STXBP5: variants seen among roughly 807,000 people sequenced by gnomAD.
The protein encoded by STXBP5 is syntaxin-binding protein 5.
STXBP5 carries 50 observed loss-of-function variants against 152.4 expected under a neutral mutation model. That is an observed-to-expected ratio of 0.33 (90% CI 0.26 to 0.42). STXBP5 has a LOEUF of 0.42. Among genes scored for constraint, STXBP5 ranks in the 10% least tolerant of loss-of-function variants. The pLI is 1.00. For missense variants in STXBP5, 1,167 were observed against 1,388.6 expected (o/e 0.84, Z 2.54); for synonymous variants, 492 against 494.7 (o/e 0.99, Z 0.07).
At chr6:147,252,619 T>C (rs1257504352) in intron 4 of STXBP5, among the ~76,000 whole-genome samples, 1 of 152,094 alleles carries the variant, frequency 6.6e-6, no homozygotes, top group African/African-American at 2.4e-5. Context: ...CTAAAAGTGA[T>C]GGGGAGAATG....
intron 22 of STXBP5, among the ~76,000 whole-genome samples, chr6:147,353,579 C>T (rs908478207): frequency 1.1e-4 from 17 of 151,974 alleles, no homozygotes; most frequent in African/African-American, 1.4e-4. Context: ...TCAAGCAAAC[C>T]GCAAGAATAT....
At chr6:147,314,401 T>A in intron 13 of STXBP5, 70 bp downstream of exon 13, 1 of 1,442,588 alleles carries the variant, frequency 6.9e-7, no homozygotes, top group Non-Finnish European at 9.8e-7. Flanking sequence ...ACTACATGAA[T>A]GTTAACTTAC....
intron 6 of STXBP5, among the ~76,000 whole-genome samples, chr6:147,263,850 A>T (rs1373154075): frequency 1.3e-5 from 2 of 151,938 alleles, no homozygotes; most frequent in Non-Finnish European, 2.9e-5. Context: ...TTAGTACTTT[A>T]GTTATGAAAT....
At chr6:147,234,430 G>A (rs949156957) in intron 2 of STXBP5, among the ~76,000 whole-genome samples, 26 of 151,722 alleles carry the variant, frequency 1.7e-4, no homozygotes, top group Non-Finnish European at 5.9e-5. Flanking sequence ...TGTAGACTCT[G>A]GAGCCAGAAA....
intron 2 of STXBP5, among the ~76,000 whole-genome samples, chr6:147,231,312 ATCT>A (rs1391422554): frequency 2.6e-5 from 4 of 151,770 alleles, no homozygotes; most frequent in African/African-American, 9.7e-5. Flanking sequence ...TGTCACATAC[ATCT>A]TCTCTTCATA....
rs773455653 is a variant in STXBP5 at position 147,311,509 on chromosome 6, T to C, written c.1127T>C (p.Ile376Thr). ...CTTCTAGAAAAGGATTTAGTACTTA[T>C]AGACCTTGCACAAAATGGGTAAGAA... Reference protein sequence around the residue: ...VVLLEKDLVLIDLAQNGYPIF... With the variant: ...VVLLEKDLVLTDLAQNGYPIF... Residue 376 changes from isoleucine to threonine, a missense_variant, in exon 11 of 28, where the codon ATA (isoleucine) becomes ACA (threonine). By Grantham distance (89) the Ile-to-Thr change is moderately conservative. Transcript: ENST00000321680. The C allele has an allele frequency of 3.4e-5, 55 of 1,611,442 alleles. No individual in the cohort carries two copies. The highest frequency in any genetic ancestry group is 4.2e-5 in the Non-Finnish European group (49 of 1,178,890).
intron 18 of STXBP5, chr6:147,328,826 T>C (rs1783408553): frequency 2.2e-6 from 1 of 463,434 alleles, no homozygotes; most frequent in East Asian, 7.0e-5. Flanking sequence ...TGTAAAATCA[T>C]TGGGAGTTTT....
chr6:147,319,774 A>G (rs1008080129), intron 16 of STXBP5, among the ~76,000 whole-genome samples: 3 of 149,224 alleles, frequency 2.0e-5, no homozygotes, highest in East Asian at 2.0e-4. Flanking sequence ...GTAATTGCTT[A>G]CTAGAATCTA....
chr6:147,243,427 CTGTT>C (rs1778648471), intron 4 of STXBP5, among the ~76,000 whole-genome samples: 1 of 152,028 alleles, frequency 6.6e-6, no homozygotes, highest in Non-Finnish European at 1.5e-5. Flanking sequence ...TTAAGTTGGG[CTGTT>C]TGTTTCTTAC....
chr6:147,297,974 C>A lies in STXBP5; in HGVS notation c.917+6802C>A, dbSNP rs557207615. Among the ~76,000 whole-genome samples the A allele has an allele frequency of 3.9e-5, 6 of 152,008 alleles. No homozygotes were observed. In the South Asian group the frequency reaches 1.2e-3, roughly 32 times the overall value. On this transcript the variant is annotated intron_variant, in intron 9 of 27. Coordinates refer to ENST00000321680, the MANE Select transcript of STXBP5 (RefSeq NM_001127715.4). ...CAAAGGATACAGAAAAGCAAGAAAG[C>A]AGTTAACAAAATGGCAAGAGTAAGT...
chr6:147,220,841 G>A (rs1777422411), intron 2 of STXBP5, among the ~76,000 whole-genome samples: 1 of 152,038 alleles, frequency 6.6e-6, no homozygotes, highest in Non-Finnish European at 1.5e-5. Context: ...TTTAATTGGT[G>A]CATTTAGGCC....
intron 9 of STXBP5, among the ~76,000 whole-genome samples, chr6:147,306,538 G>A (rs1782102886): frequency 1.3e-5 from 2 of 152,054 alleles, no homozygotes; most frequent in Non-Finnish European, 2.9e-5. Flanking sequence ...GAGATGAAAA[G>A]GAGGAGACAG....
chr6:147,381,204 A>G (rs1786069238), intron 26 of STXBP5, among the ~76,000 whole-genome samples: 1 of 152,140 alleles, frequency 6.6e-6, no homozygotes, highest in Non-Finnish European at 1.5e-5. Context: ...TTGGGTGGGG[A>G]CACAGCCGAA....
At chr6:147,340,317 A>G (rs927986078) in intron 21 of STXBP5, among the ~76,000 whole-genome samples, 1 of 151,972 alleles carries the variant, frequency 6.6e-6, no homozygotes, top group African/African-American at 2.4e-5. Flanking sequence ...TATAAATTGA[A>G]CCCTGTTTAG....
chr6:147,343,268 A>C (rs79355805), intron 21 of STXBP5, among the ~76,000 whole-genome samples: 8,216 of 152,182 alleles, frequency 0.054, 646 homozygotes, highest in East Asian at 0.28. Context: ...GGGTTAACTT[A>C]CTTAGCAAAA....
intron 2 of STXBP5, among the ~76,000 whole-genome samples, chr6:147,212,288 TTAAG>T (rs1442704131): frequency 2.0e-5 from 3 of 152,194 alleles, no homozygotes; most frequent in African/African-American, 7.2e-5. Flanking sequence ...CCTTTCTGCT[TTAAG>T]TAAGATGAGT....
At chr6:147,298,039 A>G (rs1187661240) in intron 9 of STXBP5, among the ~76,000 whole-genome samples, 1 of 152,120 alleles carries the variant, frequency 6.6e-6, no homozygotes, top group Non-Finnish European at 1.5e-5. Context: ...AGTGGATTAA[A>G]TTTCCCAATT....
chr6:147,289,483 T>A (rs1048315539), intron 8 of STXBP5, among the ~76,000 whole-genome samples: 4 of 152,238 alleles, frequency 2.6e-5, no homozygotes, highest in Non-Finnish European at 5.9e-5. Context: ...ACTTGATTAT[T>A]TAGATGTGTA....
At chr6:147,320,576 TGTG>T (rs1562485133) in intron 16 of STXBP5, among the ~76,000 whole-genome samples, 7 of 129,326 alleles carry the variant, frequency 5.4e-5, no homozygotes, top group East Asian at 2.1e-4. Flanking sequence ...TGTGTGTGTG[TGTG>T]TGTGTGTGTG....
Sources: allele counts gnomAD v4.1 joint callset (sites outside exome capture counted in the v4.1 genomes callset), GRCh38; gene constraint gnomAD v4.1.1; transcripts MANE v1.5; gene names NCBI Gene and HGNC (gene_info 2026-07-23, HGNC 2026-07-21).